MYO1D: variants seen among roughly 807,000 people sequenced by gnomAD.
MYO1D encodes myosin ID.
MYO1D carries 83 observed loss-of-function variants against 122.0 expected under a neutral mutation model. The ratio of observed to expected loss-of-function variants is 0.68; its 90% CI spans 0.57 to 0.82. MYO1D has a LOEUF of 0.82. Among genes scored for constraint, MYO1D ranks in the 40% least tolerant of loss-of-function variants. The pLI is 0.00. For synonymous variants in MYO1D, 464 were observed against 446.9 expected, an observed-to-expected ratio of 1.04 and a Z score of -0.48; for missense variants, 1,157 against 1,269.5, an observed-to-expected ratio of 0.91 and a Z score of 1.35.
chr17:32,742,740 G>A (rs1343317551), intron 13 of MYO1D, among the ~76,000 whole-genome samples: 1 of 152,074 alleles, frequency 6.6e-6, no homozygotes, highest in Non-Finnish European at 1.5e-5. Context: ...TCACATTCCT[G>A]TCTCTGTAAC....
rs148478830 is a variant in MYO1D, at chr17:32,522,377, T to C, written c.2865-27462A>G. 2.7e-3 allele frequency among the ~76,000 whole-genome samples: 418 copies of C among 152,316 alleles called. 2 individuals are homozygous for C. Among genetic ancestry groups the C allele is most frequent in the Non-Finnish European group, 3.3e-3 (223 of 68,028 alleles). On this transcript the variant is annotated intron_variant, in intron 21 of 21. Coordinates refer to ENST00000318217, the MANE Select transcript of MYO1D (RefSeq NM_015194.3). ...CTTTTCACCAAAAATGGGTCCCCCA[T>C]TGGTGGTCAGAATGAAAGAATTTTG...
intron 1 of MYO1D, among the ~76,000 whole-genome samples, chr17:32,793,933 CAAT>C (rs1223157398): frequency 6.6e-6 from 1 of 152,184 alleles, no homozygotes; most frequent in Non-Finnish European, 1.5e-5. Context: ...GGTAACAGCA[CAAT>C]AATACCAAGT....
intron 1 of MYO1D, among the ~76,000 whole-genome samples, chr17:32,808,056 C>G (rs979925009): frequency 2.0e-5 from 3 of 152,086 alleles, no homozygotes; most frequent in Admixed American, 6.5e-5. Flanking sequence ...TTTCCTAACC[C>G]AAACAAGCAT....
At chr17:32,539,276 T>TACACACACAC (rs5819986) in intron 21 of MYO1D, among the ~76,000 whole-genome samples, 63 of 133,516 alleles carry the variant, frequency 4.7e-4, no homozygotes, top group East Asian at 3.5e-3. Flanking sequence ...ACCCTGTCTC[T>TACACACACAC]ACACACACAC....
At chr17:32,834,969 G>A (rs2090808025) in intron 1 of MYO1D, among the ~76,000 whole-genome samples, 2 of 152,134 alleles carry the variant, frequency 1.3e-5, no homozygotes, top group South Asian at 4.1e-4. Context: ...CCCAGATCGC[G>A]CCACTGCATT....
rs1419187884 is a variant in MYO1D, at chr17:32,516,125, T to G, written c.2865-21210A>C. On this transcript the variant is annotated intron_variant, in intron 21 of 21. Coordinates refer to ENST00000318217, the MANE Select transcript of MYO1D (RefSeq NM_015194.3). ...GTACATAATGCATCAATTTTCAGAC[T>G]CTTACTCAATGCCATTGCTACAGAA... 2.0e-5 allele frequency among the ~76,000 whole-genome samples: 3 copies of G among 152,248 alleles called. No individual in the cohort carries two copies. In the East Asian group the frequency reaches 5.8e-4, roughly 29 times the overall value.
At chr17:32,784,874 T>C (rs1301124942) in intron 1 of MYO1D, among the ~76,000 whole-genome samples, 1 of 151,946 alleles carries the variant, frequency 6.6e-6, no homozygotes, top group Non-Finnish European at 1.5e-5. Flanking sequence ...CCAGTCAGAG[T>C]AGAAGGCTGT....
At chr17:32,582,766 A>G (rs2087353878) in intron 21 of MYO1D, among the ~76,000 whole-genome samples, 1 of 152,184 alleles carries the variant, frequency 6.6e-6, no homozygotes. Context: ...TTCCAAATAT[A>G]ATTGTAGATT....
chr17:32,660,674 T>G (rs1479026351), intron 16 of MYO1D, among the ~76,000 whole-genome samples: 1 of 147,710 alleles, frequency 6.8e-6, no homozygotes, highest in African/African-American at 2.4e-5. Flanking sequence ...AACCTAGAGT[T>G]CACATATAAA....
chr17:32,767,853 T>C, intron 6 of MYO1D, 101 bp from the exon 7 acceptor site: 1 of 783,484 alleles, frequency 1.3e-6, no homozygotes, highest in Admixed American at 2.1e-5. Flanking sequence ...GCCTTCATAG[T>C]AAATCACTTG....
intron 16 of MYO1D, among the ~76,000 whole-genome samples, chr17:32,674,739 T>G (rs2088780100): frequency 6.6e-6 from 1 of 152,196 alleles, no homozygotes; most frequent in African/African-American, 2.4e-5. Flanking sequence ...GTAATCCATG[T>G]TTCCAGTTTT....
chr17:32,771,283 T>G, intron 5 of MYO1D, 63 bp from the exon 6 acceptor site: 2 of 1,137,548 alleles, frequency 1.8e-6, no homozygotes, highest in Non-Finnish European at 2.6e-6. Context: ...ATGAACTTAG[T>G]GGTAATCTAG....
At chr17:32,818,182 G>C (rs930748153) in intron 1 of MYO1D, among the ~76,000 whole-genome samples, 1 of 146,566 alleles carries the variant, frequency 6.8e-6, no homozygotes, top group East Asian at 2.0e-4. Context: ...TATTGTGAAA[G>C]AGTTGAGATT....
intron 1 of MYO1D, among the ~76,000 whole-genome samples, chr17:32,846,598 C>T (rs918940602): frequency 6.6e-6 from 1 of 152,092 alleles, no homozygotes; most frequent in Non-Finnish European, 1.5e-5. Context: ...ACTGATAATA[C>T]AAACATTAAC....
chr17:32,865,030 A>T (rs917404045), intron 1 of MYO1D, among the ~76,000 whole-genome samples: 11 of 152,352 alleles, frequency 7.2e-5, no homozygotes, highest in Admixed American at 5.9e-4. Flanking sequence ...GGAACACGGG[A>T]TAAGATGGCA....
At chr17:32,778,665 T>A in intron 2 of MYO1D, 92 bp from the exon 3 acceptor site, 2 of 1,150,276 alleles carry the variant, frequency 1.7e-6, no homozygotes, top group Non-Finnish European at 2.5e-6. Context: ...CTGATACTGG[T>A]GATGCATTTA....
chr17:32,616,470 AC>A (rs1301918716), intron 20 of MYO1D, among the ~76,000 whole-genome samples: 2 of 143,802 alleles, frequency 1.4e-5, no homozygotes, highest in South Asian at 4.4e-4. Flanking sequence ...ACCACATCTG[AC>A]TAATTAAAAA....
chr17:32,808,462 T>C (rs2090539972), intron 1 of MYO1D, among the ~76,000 whole-genome samples: 1 of 152,074 alleles, frequency 6.6e-6, no homozygotes, highest in African/African-American at 2.4e-5. Context: ...CAGTAAAAGT[T>C]TTCCCTCACA....
intron 4 of MYO1D, 111 bp downstream of exon 4, chr17:32,775,751 AGG>A: frequency 1.1e-6 from 1 of 908,710 alleles, no homozygotes; most frequent in South Asian, 2.0e-5. Flanking sequence ...CTAATGAAGA[AGG>A]GAGAATAGGA....
Sources: allele counts gnomAD v4.1 joint callset (sites outside exome capture counted in the v4.1 genomes callset), GRCh38; gene constraint gnomAD v4.1.1; transcripts MANE v1.5; gene names NCBI Gene and HGNC (gene_info 2026-07-23, HGNC 2026-07-21).